The following RAB30 variants were observed in gnomAD, a reference collection of about 807,000 sequenced individuals.
RAB30 encodes RAB30, member RAS oncogene family.
In RAB30, 9 loss-of-function variants were observed where a neutral mutation model predicts 25.1. The observed-to-expected ratio is 0.36, with a 90% CI of 0.22 to 0.63. The LOEUF (loss-of-function observed/expected upper bound fraction) is 0.63, where lower values mean the gene tolerates loss of function less well. RAB30 is among the 20% of genes least tolerant of loss of function. The probability of loss-of-function intolerance (pLI) is 0.69; values close to 1 mark genes in which losing one functional copy is unlikely to be tolerated. For synonymous variants in RAB30, 77 were observed against 86.4 expected, an observed-to-expected ratio of 0.89 and a Z score of 0.60; for missense variants, 140 against 243.5, an observed-to-expected ratio of 0.58 and a Z score of 2.83.
In RAB30 at chr11:82,974,223, T is replaced by G. The variant is rs1397881506; in HGVS notation, c.*7942A>C. 2.0e-5 allele frequency: 3 copies of G among 152,224 alleles called. No homozygotes were observed. The highest frequency in any genetic ancestry group is 7.2e-5 in the African/African-American group (3 of 41,458). The allele number at this position is 152,224 out of a possible 1,614,324, so 9.4% of individuals were successfully genotyped here. On this transcript the variant is annotated 3_prime_UTR_variant, in exon 5 of 5. Coordinates refer to ENST00000527633, the MANE Select transcript of RAB30 (RefSeq NM_001286060.2). Reference sequence around the variant, plus strand: ...GATTAAAAACATTGAAGTTTACACCTTAATAGGATAAACCGTATGGTGCAT... The same window carrying G: ...GATTAAAAACATTGAAGTTTACACCGTAATAGGATAAACCGTATGGTGCAT...
At chr11:82,997,134 G>T in intron 2 of RAB30, 90 bp downstream of exon 2, 1 of 1,047,466 alleles carries the variant, frequency 9.5e-7, no homozygotes, top group Non-Finnish European at 1.5e-6. Flanking sequence ...ATTGAAACTG[G>T]TCATCCATCT....
Position 82,974,565 on chromosome 11 carries a change from C to T in RAB30, c.*7600G>A, listed in dbSNP as rs1326796601. On this transcript the variant is annotated 3_prime_UTR_variant, in exon 5 of 5. Transcript: ENST00000527633. ...GTTAGATTTTATATAACGCTGTATA[C>T]AAATAATACTGATATCCTATGCTTA... 1.3e-5 allele frequency: 2 copies of T among 152,034 alleles called. No individual in the cohort carries two copies. The highest frequency in any genetic ancestry group is 4.8e-5 in the African/African-American group (2 of 41,398). 9.4% of individuals were successfully genotyped at this position (152,034 alleles called of 1,614,324 possible).
At chr11:83,060,392 A>G (rs1304094878) in intron 1 of RAB30, among the ~76,000 whole-genome samples, 2 of 152,226 alleles carry the variant, frequency 1.3e-5, no homozygotes, top group East Asian at 3.8e-4. Context: ...TACTCAAACA[A>G]TCTCAAGATA....
chr11:83,000,746 AAAG>A (rs1857060026), intron 1 of RAB30, among the ~76,000 whole-genome samples: 1 of 152,232 alleles, frequency 6.6e-6, no homozygotes, highest in East Asian at 1.9e-4. Flanking sequence ...ACCTTTAGAA[AAAG>A]AAGGTGAAAA....
rs902900213 is a variant in RAB30 at position 83,071,888 on chromosome 11, G to C, written c.-206C>G. 2.6e-6 allele frequency: 1 copy of C among 388,446 alleles called. No homozygotes were observed. Among genetic ancestry groups the C allele is most frequent in the Non-Finnish European group, 4.5e-6 (1 of 220,224 alleles). 24.1% of individuals were successfully genotyped at this position (388,446 alleles called of 1,614,324 possible). On this transcript the variant is annotated 5_prime_UTR_variant, in exon 1 of 5. Coordinates refer to ENST00000527633, the MANE Select transcript of RAB30 (RefSeq NM_001286060.2). Reference sequence around the variant, plus strand: ...AGCAGCAGCAGGGGGTGGAGAGACCGTAGCACAATGAATGCAGTGGGGCTT... The same window carrying C: ...AGCAGCAGCAGGGGGTGGAGAGACCCTAGCACAATGAATGCAGTGGGGCTT...
intron 1 of RAB30, among the ~76,000 whole-genome samples, chr11:83,066,509 T>G (rs1197477915): frequency 6.6e-6 from 1 of 152,238 alleles, no homozygotes; most frequent in Non-Finnish European, 1.5e-5. Context: ...TGAATTTCCC[T>G]AAAAGTGATC....
intron 1 of RAB30, among the ~76,000 whole-genome samples, chr11:83,061,906 G>C (rs1297495322): frequency 6.6e-6 from 1 of 151,742 alleles, no homozygotes; most frequent in East Asian, 1.9e-4. Context: ...GTTGGAAAAA[G>C]AATCAAATAA....
intron 1 of RAB30, among the ~76,000 whole-genome samples, chr11:83,027,169 A>G (rs1857740312): frequency 6.6e-6 from 1 of 152,188 alleles, no homozygotes; most frequent in South Asian, 2.1e-4. Flanking sequence ...GCGGGATACA[A>G]AGCAAACTAA....
intron 1 of RAB30, among the ~76,000 whole-genome samples, chr11:83,056,816 C>T (rs1858468252): frequency 6.6e-6 from 1 of 152,114 alleles, no homozygotes; most frequent in African/African-American, 2.4e-5. Flanking sequence ...CATGTTAACA[C>T]AGTGCTTGGC....
intron 1 of RAB30, among the ~76,000 whole-genome samples, chr11:83,069,333 C>T (rs1162418367): frequency 6.6e-6 from 1 of 152,204 alleles, no homozygotes; most frequent in Non-Finnish European, 1.5e-5. Flanking sequence ...ACACTAGTTG[C>T]CTCCAGATGG....
chr11:82,988,786 T>C (rs1022614991), intron 3 of RAB30, among the ~76,000 whole-genome samples: 1 of 152,114 alleles, frequency 6.6e-6, no homozygotes, highest in African/African-American at 2.4e-5. Flanking sequence ...AATCTTTCCT[T>C]CTAATTGCAC....
rs1311737468 is a variant in RAB30 at position 82,974,855 on chromosome 11, T to C, written c.*7310A>G. The C allele has an allele frequency of 6.6e-6, 1 of 151,946 alleles. No homozygotes were observed. The highest frequency in any genetic ancestry group is 6.6e-5 in the Admixed American group (1 of 15,170). 9.4% of individuals were successfully genotyped at this position (151,946 alleles called of 1,614,324 possible). A position where few individuals can be genotyped will look rare whatever the true frequency, so the allele number is the denominator to read the frequency against. On this transcript the variant is annotated 3_prime_UTR_variant, in exon 5 of 5. Transcript: ENST00000527633. ...TCATGCATTAAAAGTGTGTACAAGA[T>C]ATATGGGGCACACTTTTCCCTTCAG...
At chr11:83,006,710 C>A (rs1051879242) in intron 1 of RAB30, among the ~76,000 whole-genome samples, 10 of 152,152 alleles carry the variant, frequency 6.6e-5, no homozygotes, top group Non-Finnish European at 1.5e-4. Flanking sequence ...TACTCTGTTT[C>A]AATCTTTGTG....
At chr11:83,016,434 G>A (rs990949623) in intron 1 of RAB30, among the ~76,000 whole-genome samples, 1 of 152,138 alleles carries the variant, frequency 6.6e-6, no homozygotes, top group African/African-American at 2.4e-5. Flanking sequence ...AAAAGGTTAT[G>A]GGAATTTGGG....
intron 1 of RAB30, among the ~76,000 whole-genome samples, chr11:83,033,174 C>T (rs1277827174): frequency 6.7e-6 from 1 of 148,546 alleles, no homozygotes; most frequent in African/African-American, 2.5e-5. Context: ...AAGTGATTCT[C>T]CTGCCTCAGC....
At chr11:83,031,702 T>C (rs1469933433) in intron 1 of RAB30, among the ~76,000 whole-genome samples, 1 of 152,090 alleles carries the variant, frequency 6.6e-6, no homozygotes, top group African/African-American at 2.4e-5. Context: ...TAATTTTGTA[T>C]TTTTAGGAGA....
intron 1 of RAB30, among the ~76,000 whole-genome samples, chr11:83,001,917 G>A (rs1429407923): frequency 1.3e-5 from 2 of 152,062 alleles, no homozygotes; most frequent in African/African-American, 4.8e-5. Flanking sequence ...TGCTTTTTAT[G>A]TCCTGGGTAC....
intron 1 of RAB30, among the ~76,000 whole-genome samples, chr11:83,048,222 C>CTCTA (rs957870648): frequency 6.6e-6 from 1 of 152,170 alleles, no homozygotes; most frequent in African/African-American, 2.4e-5. Context: ...AAAATCCCAC[C>CTCTA]TCTAATCCCA....
intron 1 of RAB30, among the ~76,000 whole-genome samples, chr11:83,050,476 G>C (rs1253610149): frequency 6.6e-6 from 1 of 152,100 alleles, no homozygotes; most frequent in African/African-American, 2.4e-5. Context: ...AGGAGGAGAG[G>C]GGATCGCTGA....
Sources: allele counts gnomAD v4.1 joint callset (sites outside exome capture counted in the v4.1 genomes callset), GRCh38; gene constraint gnomAD v4.1.1; transcripts MANE v1.5; gene names NCBI Gene and HGNC (gene_info 2026-07-23, HGNC 2026-07-21).